The following SV2C variants were observed in gnomAD, a reference collection of about 807,000 sequenced individuals.
The protein encoded by SV2C is solute carrier family 22 member B3.
A neutral mutation model predicts 79.7 loss-of-function variants in SV2C; 49 were observed. The ratio of observed to expected loss-of-function variants is 0.61; its 90% CI spans 0.49 to 0.78. The LOEUF (loss-of-function observed/expected upper bound fraction) is 0.78. Ranked by LOEUF, SV2C falls within the 30% of genes least tolerant of loss-of-function variation. SV2C has a pLI of 0.00. For missense variants in SV2C, 833 were observed against 912.9 expected (o/e 0.91, Z 1.13); for synonymous variants, 334 against 333.2 (o/e 1.00, Z -0.03).
intron 4 of SV2C, among the ~76,000 whole-genome samples, chr5:76,252,368 C>G (rs904519775): frequency 1.3e-5 from 2 of 152,120 alleles, no homozygotes; most frequent in Non-Finnish European, 2.9e-5. Context: ...TGATCCTACC[C>G]GCCTTGGCCT....
chr5:75,966,457 A>C, the SV2C span, among the ~76,000 whole-genome samples: 2 of 152,194 alleles, frequency 1.3e-5, no homozygotes, highest in African/African-American at 4.8e-5. Context: ...ACTGGCCAGA[A>C]CCAGCAAATG....
At chr5:75,970,437 AAAG>A in the SV2C span, among the ~76,000 whole-genome samples, 4 of 152,222 alleles carry the variant, frequency 2.6e-5, no homozygotes, top group East Asian at 3.9e-4. Context: ...CAAGACTAAT[AAAG>A]AAGAAAAGAG....
the SV2C span, among the ~76,000 whole-genome samples, chr5:75,896,030 A>C: frequency 0.016 from 2,392 of 152,026 alleles, 61 homozygotes; most frequent in African/African-American, 0.055. Context: ...ATATTATCTA[A>C]ATTGTCAGTA....
At chr5:76,352,940 CTTTT>C (rs556688242) in intron 12 of SV2C, among the ~76,000 whole-genome samples, 5 of 136,536 alleles carry the variant, frequency 3.7e-5, no homozygotes, top group Non-Finnish European at 3.1e-5. Flanking sequence ...ATTTTTACCT[CTTTT>C]TTTTTTTTTT....
chr5:76,148,735 G>A (rs116456825), intron 2 of SV2C, among the ~76,000 whole-genome samples: 1,846 of 152,272 alleles, frequency 0.012, 19 homozygotes, highest in Non-Finnish European at 0.02. Context: ...TTACAGGCCT[G>A]AGCCACGATG....
the SV2C span, among the ~76,000 whole-genome samples, chr5:75,967,744 G>T: frequency 2.6e-5 from 4 of 152,332 alleles, no homozygotes; most frequent in Admixed American, 1.3e-4. Context: ...CACCTCTGGG[G>T]GCAGGGCACA....
chr5:76,081,742 C>T (rs1580249922), upstream of SV2C, among the ~76,000 whole-genome samples: 3 of 152,296 alleles, frequency 2.0e-5, no homozygotes, highest in East Asian at 5.8e-4. Flanking sequence ...GTGTCTGAAC[C>T]AGAGAGGAGG....
chr5:76,287,619 T>C (rs1747397271), intron 6 of SV2C, among the ~76,000 whole-genome samples: 1 of 152,192 alleles, frequency 6.6e-6, no homozygotes, highest in Non-Finnish European at 1.5e-5. Context: ...TTTGACTTAC[T>C]ATACAGCACT....
chr5:75,995,467 C>T, the SV2C span, among the ~76,000 whole-genome samples: 2 of 151,936 alleles, frequency 1.3e-5, no homozygotes, highest in Non-Finnish European at 2.9e-5. Context: ...TGACTGCAGG[C>T]AACTAAGATT....
At chr5:75,994,378 C>T in the SV2C span, among the ~76,000 whole-genome samples, 2 of 152,032 alleles carry the variant, frequency 1.3e-5, no homozygotes, top group Admixed American at 1.3e-4. Context: ...TTGAGGAACT[C>T]ACAGAGCTGT....
rs966541933 is a variant in SV2C at position 76,299,027 on chromosome 5, G to T, written c.1636+100G>T. ...TGGGCAGAGGCTTATGCGGGAAGTGGATATTAAAGAATAAATGGAACAAGT... is the reference window on the plus strand; with the variant it reads ...TGGGCAGAGGCTTATGCGGGAAGTGTATATTAAAGAATAAATGGAACAAGT... On this transcript the variant is annotated intron_variant, in intron 10 of 12. Coordinates refer to ENST00000502798, the MANE Select transcript of SV2C (RefSeq NM_014979.4). 13 of 1,308,012 alleles carry T rather than the reference G, an allele frequency of 9.9e-6. No individual in the cohort carries two copies. In the African/African-American group the frequency reaches 1.6e-4, roughly 16 times the overall value. 81.0% of individuals were successfully genotyped at this position (1,308,012 alleles called of 1,614,324 possible).
chr5:75,921,422 G>A, the SV2C span: 2,328 of 803,364 alleles, frequency 2.9e-3, 28 homozygotes, highest in African/African-American at 0.035. Context: ...CTCATATTGC[G>A]TCTGGAGCCT....
chr5:76,188,238 G>A (rs1204133307), intron 2 of SV2C, among the ~76,000 whole-genome samples: 1 of 152,160 alleles, frequency 6.6e-6, no homozygotes, highest in Non-Finnish European at 1.5e-5. Flanking sequence ...TCTAACCTGG[G>A]TGACAGAGTG....
chr5:75,920,816 G>T, the SV2C span: 2 of 767,886 alleles, frequency 2.6e-6, no homozygotes, highest in South Asian at 2.7e-5. Flanking sequence ...CAGGCGAGAC[G>T]TTCTTCAGGC....
chr5:76,054,745 T>C, the SV2C span, among the ~76,000 whole-genome samples: 2 of 152,182 alleles, frequency 1.3e-5, no homozygotes, highest in East Asian at 3.8e-4. Context: ...TAATGATCAA[T>C]GATGTTGAGC....
At chr5:76,112,984 A>T (rs1283331754) in intron 1 of SV2C, among the ~76,000 whole-genome samples, 1 of 152,194 alleles carries the variant, frequency 6.6e-6, no homozygotes, top group African/African-American at 2.4e-5. Flanking sequence ...ACTGGCCCAG[A>T]GGTATGACAG....
chr5:75,965,596 C>T, the SV2C span, among the ~76,000 whole-genome samples: 56,235 of 151,958 alleles, frequency 0.37, 11,337 homozygotes, highest in African/African-American at 0.49. Context: ...GAGAAATAAA[C>T]TTCTATGGTT....
At chr5:75,978,965 A>G in the SV2C span, among the ~76,000 whole-genome samples, 3 of 152,026 alleles carry the variant, frequency 2.0e-5, no homozygotes, top group Non-Finnish European at 4.4e-5. Flanking sequence ...CTGGGCAACA[A>G]AGCACGACCC....
chr5:76,073,501 GTGTATATATATATATATATATA>G, the SV2C span, among the ~76,000 whole-genome samples: 81 of 87,252 alleles, frequency 9.3e-4, 2 homozygotes, highest in African/African-American at 2.9e-3. Flanking sequence ...ATGTATGTGT[GTGTATATATATATATATATATA>G]TATATATATA....
Sources: allele counts gnomAD v4.1 joint callset (sites outside exome capture counted in the v4.1 genomes callset), GRCh38; gene constraint gnomAD v4.1.1; transcripts MANE v1.5; gene names NCBI Gene and HGNC (gene_info 2026-07-23, HGNC 2026-07-21).